The following MYO16 variants were observed in gnomAD, a reference collection of about 807,000 sequenced individuals.
The protein encoded by MYO16 is myosin XVI, also known as unconventional myosin-XVI.
A neutral mutation model predicts 205.3 loss-of-function variants in MYO16; 94 were observed. The observed-to-expected ratio is 0.46, with a 90% CI of 0.39 to 0.54. MYO16 has a LOEUF of 0.54. Among genes scored for constraint, MYO16 ranks in the 20% least tolerant of loss-of-function variants. The pLI is 0.00. For synonymous variants in MYO16, 988 were observed against 954.0 expected (o/e 1.04, Z -0.66); for missense variants, 2,315 against 2,387.5 (o/e 0.97, Z 0.63).
At chr13:109,178,998 G>A (rs1278007529) in intron 33 of MYO16, among the ~76,000 whole-genome samples, 7 of 152,102 alleles carry the variant, frequency 4.6e-5, no homozygotes, top group Admixed American at 6.6e-5. Flanking sequence ...GTTGTGAATC[G>A]GCAGCTCTCC....
At position 108,936,946 on chromosome 13, in the gene MYO16, T is replaced by C. The variant is rs143934576; in HGVS notation, c.1926-20742T>C. Among the ~76,000 whole-genome samples the C allele has an allele frequency of 3.5e-3, 535 of 152,328 alleles. 7 individuals carry two copies. Among genetic ancestry groups the C allele is most frequent in the African/African-American group, 0.012 (511 of 41,572 alleles). On this transcript the variant is annotated intron_variant, in intron 16 of 34. Transcript: ENST00000457511. ...GTGTTCTTGCTTTATAGTGTCTGTG[T>C]ACTATGTACTTAAGTGTGTTTTTTT... is the stretch of plus-strand genomic sequence containing the variant.
intron 27 of MYO16, among the ~76,000 whole-genome samples, chr13:109,068,235 A>C (rs1412280343): frequency 6.6e-6 from 1 of 152,220 alleles, no homozygotes; most frequent in African/African-American, 2.4e-5. Context: ...GAAGAAGCAG[A>C]GGGAAACAAC....
intron 27 of MYO16, among the ~76,000 whole-genome samples, chr13:109,075,711 T>A (rs1888076389): frequency 6.6e-6 from 1 of 152,122 alleles, no homozygotes; most frequent in Non-Finnish European, 1.5e-5. Flanking sequence ...CATCCTTACA[T>A]CTTCTTTAGT....
At chr13:108,664,298 C>A (rs1881629691) in intron 1 of MYO16, among the ~76,000 whole-genome samples, 1 of 152,176 alleles carries the variant, frequency 6.6e-6, no homozygotes, top group Non-Finnish European at 1.5e-5. Flanking sequence ...CTTATATATT[C>A]AATACCTGGC....
upstream of MYO16, among the ~76,000 whole-genome samples, chr13:108,627,248 G>C (rs1244212477): frequency 6.6e-6 from 1 of 152,114 alleles, no homozygotes; most frequent in African/African-American, 2.4e-5. Context: ...GCATGAGTAT[G>C]TGGTTTCAAA....
chr13:108,822,390 G>A (rs1876025656), intron 8 of MYO16, among the ~76,000 whole-genome samples: 1 of 152,090 alleles, frequency 6.6e-6, no homozygotes, highest in Non-Finnish European at 1.5e-5. Context: ...GACATAGGTG[G>A]TCACACAGTC....
chr13:109,157,197 C>G (rs1366639796), intron 32 of MYO16, among the ~76,000 whole-genome samples: 3 of 142,202 alleles, frequency 2.1e-5, no homozygotes, highest in Non-Finnish European at 4.5e-5. Flanking sequence ...AATCTCTCCT[C>G]AAGGTCCATT....
intron 22 of MYO16, among the ~76,000 whole-genome samples, chr13:109,012,779 G>GTATATA (rs113007743): frequency 0.017 from 2,508 of 146,552 alleles, 29 homozygotes; most frequent in South Asian, 0.033. Flanking sequence ...ATGTGTGTGT[G>GTATATA]TATATATATA....
chr13:108,838,675 A>T (rs1181508504), intron 9 of MYO16, among the ~76,000 whole-genome samples: 11 of 122,012 alleles, frequency 9.0e-5, no homozygotes, highest in African/African-American at 3.6e-4. Flanking sequence ...CAAAAAAAAA[A>T]AAAATATATA....
At position 109,034,909 on chromosome 13, in the gene MYO16, A is replaced by G. The variant is rs140757549; in HGVS notation, c.2797-12007A>G. On this transcript the variant is annotated intron_variant, in intron 23 of 34. Transcript: ENST00000457511. Reference sequence around the variant, plus strand: ...TCAGTGTGAAGTGGCCAGAGATCAAAACTCAATTAAATAGATAAGAAACTG... The same window carrying G: ...TCAGTGTGAAGTGGCCAGAGATCAAGACTCAATTAAATAGATAAGAAACTG... Among the ~76,000 whole-genome samples the G allele has an allele frequency of 2.3e-3, 348 of 152,274 alleles. 4 individuals are homozygous for G. The highest frequency in any genetic ancestry group is 7.9e-3 in the African/African-American group (329 of 41,552).
chr13:109,014,842 A>G (rs1400740611), intron 22 of MYO16, among the ~76,000 whole-genome samples: 1 of 152,230 alleles, frequency 6.6e-6, no homozygotes, highest in African/African-American at 2.4e-5. Flanking sequence ...GAAATTGCTT[A>G]TCAGCTTAAG....
At chr13:108,832,946 T>C (rs1876706645) in intron 9 of MYO16, among the ~76,000 whole-genome samples, 1 of 152,140 alleles carries the variant, frequency 6.6e-6, no homozygotes, top group African/African-American at 2.4e-5. Flanking sequence ...TGAAGTCCAG[T>C]AGTGCACAAA....
intron 9 of MYO16, among the ~76,000 whole-genome samples, chr13:108,836,265 T>G (rs968311352): frequency 4.6e-5 from 7 of 152,144 alleles, no homozygotes; most frequent in Admixed American, 1.3e-4. Context: ...GTGGAATACA[T>G]GTGGTGTTGG....
chr13:108,607,515 T>A (rs1333848453), intron 1 of MYO16, among the ~76,000 whole-genome samples: 1 of 152,162 alleles, frequency 6.6e-6, no homozygotes, highest in South Asian at 2.1e-4. Flanking sequence ...AAGAAGGACA[T>A]GTTTCCTTCC....
chr13:108,873,970 G>C (rs1294383588), intron 12 of MYO16, among the ~76,000 whole-genome samples: 7 of 152,244 alleles, frequency 4.6e-5, no homozygotes, highest in Non-Finnish European at 7.3e-5. Flanking sequence ...AAACAAAAAT[G>C]CATCATCAAG....
chr13:108,602,318 T>G (rs915711156), intron 1 of MYO16, among the ~76,000 whole-genome samples: 1 of 152,140 alleles, frequency 6.6e-6, no homozygotes, highest in African/African-American at 2.4e-5. Flanking sequence ...TTATAAGATG[T>G]AGACCTCTTG....
intron 12 of MYO16, among the ~76,000 whole-genome samples, chr13:108,871,618 T>A (rs1171089624): frequency 6.6e-6 from 1 of 152,174 alleles, no homozygotes; most frequent in Non-Finnish European, 1.5e-5. Flanking sequence ...GGTGGAAAGT[T>A]GGGCTGATAT....
intron 31 of MYO16, among the ~76,000 whole-genome samples, chr13:109,130,769 C>T (rs1028302189): frequency 6.6e-6 from 1 of 152,242 alleles, no homozygotes; most frequent in Non-Finnish European, 1.5e-5. Context: ...GCATGTTAGA[C>T]ATCTCCCTCA....
chr13:108,708,720 A>G (rs1883609694), intron 2 of MYO16, among the ~76,000 whole-genome samples: 1 of 152,140 alleles, frequency 6.6e-6, no homozygotes, highest in African/African-American at 2.4e-5. Context: ...GAGAGGAGGT[A>G]TAGATTGCTA....
Sources: allele counts gnomAD v4.1 joint callset (sites outside exome capture counted in the v4.1 genomes callset), GRCh38; gene constraint gnomAD v4.1.1; transcripts MANE v1.5; gene names NCBI Gene and HGNC (gene_info 2026-07-23, HGNC 2026-07-21).